TMC2: variants seen among roughly 807,000 people sequenced by gnomAD.
TMC2 encodes the protein transmembrane channel like 2.
TMC2 carries 102 observed loss-of-function variants against 105.9 expected under a neutral mutation model. The ratio of observed to expected loss-of-function variants is 0.96; its 90% confidence interval spans 0.82 to 1.14. The LOEUF is 1.14. Among genes scored for constraint, TMC2 ranks in the 50% most tolerant of loss-of-function variants. The probability of loss-of-function intolerance (pLI) is 0.00; values close to 1 mark genes in which losing one functional copy is unlikely to be tolerated. For missense variants in TMC2, 1,093 were observed against 1,134.3 expected (o/e 0.96, Z 0.52); for synonymous variants, 402 against 422.8 (o/e 0.95, Z 0.60).
intron 2 of TMC2, among the ~76,000 whole-genome samples, chr20:2,551,353 G>A (rs965294598): frequency 7.8e-5 from 11 of 141,846 alleles, no homozygotes; most frequent in South Asian, 4.5e-4. Flanking sequence ...TTGGATACAC[G>A]TCCTTTGTCA....
intron 5 of TMC2, 136 bp downstream of exon 5, chr20:2,572,405 A>C: frequency 1.5e-6 from 1 of 664,008 alleles, no homozygotes; most frequent in Non-Finnish European, 2.7e-6. Context: ...GGGCCACCTG[A>C]CCATTCTGAT....
rs761884185 is a variant in TMC2 at position 2,617,239 on chromosome 20, T to C, written c.2108T>C (p.Leu703Pro). ...NFYMGLLLLV[L>P]FLSLLPVAYT... ...TACATGGGCCTCCTGCTGCTGGTGC[T>C]CTTCCTCAGCCTCCTGCCGGTGGCC... The change falls in exon 16 of 20, where the codon CTC becomes CCC. Residue 703 changes from leucine (L) to proline (P), a missense_variant. Leu to Pro is a moderately conservative substitution (Grantham distance 98). Transcript: ENST00000358864. 2 of 1,614,194 alleles carry C rather than the reference T, an allele frequency of 1.2e-6. No individual in the cohort carries two copies. The highest frequency in any genetic ancestry group is 1.7e-6 in the Non-Finnish European group (2 of 1,180,016).
chr20:2,540,408 C>A (rs2122789911), intron 2 of TMC2, among the ~76,000 whole-genome samples: 1 of 152,036 alleles, frequency 6.6e-6, no homozygotes, highest in African/African-American at 2.4e-5. Context: ...TGACTGTAAT[C>A]CCAGCACTTT....
intron 19 of TMC2, among the ~76,000 whole-genome samples, chr20:2,640,450 C>T (rs1352469811): frequency 6.6e-6 from 1 of 152,188 alleles, no homozygotes; most frequent in Non-Finnish European, 1.5e-5. Flanking sequence ...AAGTTCATTT[C>T]TCACTCAACA....
At chr20:2,546,718 T>G (rs143267570) in intron 2 of TMC2, among the ~76,000 whole-genome samples, 24 of 152,320 alleles carry the variant, frequency 1.6e-4, no homozygotes, top group African/African-American at 5.8e-4. Context: ...AATAGTTCTT[T>G]GTTGAAGACA....
At chr20:2,593,718 G>T (rs1178913540) in intron 8 of TMC2, among the ~76,000 whole-genome samples, 1 of 152,146 alleles carries the variant, frequency 6.6e-6, no homozygotes, top group East Asian at 1.9e-4. Flanking sequence ...TCCCTGCCTT[G>T]GCTTGGCTCC....
chr20:2,539,339 A>G (rs2122787799), intron 2 of TMC2, among the ~76,000 whole-genome samples: 1 of 152,362 alleles, frequency 6.6e-6, no homozygotes, highest in East Asian at 1.9e-4. Context: ...TCCACATTCC[A>G]TGTGAATTTC....
rs1199489585 is a variant in TMC2, at chr20:2,637,492, A to G, written c.2404A>G (p.Ser802Gly). 1.9e-6 allele frequency: 3 copies of G among 1,613,568 alleles called. No homozygotes were observed. The African/African-American group carries it at 4.0e-5, about 22-fold the overall frequency. ...KIQVLREVEK[S>G]HKSVKGKATA... The stretch of plus-strand genomic sequence containing the variant: ...CCTGCAGCTCCGTGAAGTTGAGAAG[A>G]GTCACAAATCTGTAAAAGGCAAAGC... Residue 802 changes from serine to glycine, a missense_variant, in exon 19 of 20, where the codon AGT becomes GGT. By Grantham distance (56) the Ser-to-Gly change is moderately conservative (BLOSUM62 0). Coordinates refer to ENST00000358864, the MANE Select transcript of TMC2 (RefSeq NM_080751.3).
intron 17 of TMC2, among the ~76,000 whole-genome samples, chr20:2,634,080 G>A (rs1410532993): frequency 2.0e-5 from 3 of 152,088 alleles, no homozygotes. Context: ...GTTTGTCTCT[G>A]TCTGTTTATG....
At chr20:2,639,143 C>T (rs2086670523) in intron 19 of TMC2, among the ~76,000 whole-genome samples, 1 of 152,220 alleles carries the variant, frequency 6.6e-6, no homozygotes, top group Admixed American at 6.5e-5. Flanking sequence ...GATCCGCCCG[C>T]CTCGGCCTCC....
At chr20:2,598,197 G>T (rs200474017) in intron 10 of TMC2, among the ~76,000 whole-genome samples, 1 of 132,404 alleles carries the variant, frequency 7.6e-6, no homozygotes, top group African/African-American at 2.9e-5. Flanking sequence ...CTAGTGAAAT[G>T]AAAAAAAAAA....
chr20:2,575,440 T>C (rs1220564012), intron 5 of TMC2, among the ~76,000 whole-genome samples: 1 of 152,250 alleles, frequency 6.6e-6, no homozygotes, highest in Non-Finnish European at 1.5e-5. Flanking sequence ...TTATGAATGT[T>C]ACCGTCTTTT....
Position 2,536,733 on chromosome 20 carries a change from G to C in TMC2, c.34+78G>C, listed in dbSNP as rs1007083476. ...AGCAGGGGATGGGGGAAGCACATAT[G>C]GTGTTCAGAGGCATAGGGAGGAGCT... On this transcript the variant is annotated intron_variant, in intron 1 of 19. Transcript: ENST00000358864. The C allele has an allele frequency of 5.5e-6, 8 of 1,461,024 alleles. No homozygotes were observed. In the Admixed American group the frequency reaches 1.2e-4, roughly 22 times the overall value. 90.5% of individuals were successfully genotyped at this position (1,461,024 alleles called of 1,614,324 possible). A position where few individuals can be genotyped will look rare whatever the true frequency, so the allele number is the denominator to read the frequency against.
chr20:2,597,461 G>A (rs1366497479), intron 10 of TMC2, among the ~76,000 whole-genome samples, 163 bp downstream of exon 10: 1 of 152,046 alleles, frequency 6.6e-6, no homozygotes, highest in Non-Finnish European at 1.5e-5. Flanking sequence ...AAGTAAGAAT[G>A]TTCGTGGCTG....
intron 14 of TMC2, among the ~76,000 whole-genome samples, chr20:2,614,498 A>G (rs2086465991): frequency 6.6e-6 from 1 of 152,082 alleles, no homozygotes; most frequent in Non-Finnish European, 1.5e-5. Flanking sequence ...CCAGCTACTC[A>G]GGAGGCTAAG....
chr20:2,607,632 C>A (rs1324927698), intron 11 of TMC2, among the ~76,000 whole-genome samples: 2 of 152,206 alleles, frequency 1.3e-5, no homozygotes, highest in African/African-American at 2.4e-5. Context: ...TCATTGGATA[C>A]CCCACTGTTT....
intron 14 of TMC2, chr20:2,614,049 C>T (rs1216774269): frequency 2.0e-5 from 1 of 49,316 alleles, no homozygotes; most frequent in Non-Finnish European, 3.2e-5. Context: ...GTTTCTGTCA[C>T]ATTTTTTTTC....
intron 7 of TMC2, among the ~76,000 whole-genome samples, chr20:2,590,295 T>C (rs1321882086): frequency 6.6e-6 from 1 of 152,166 alleles, no homozygotes; most frequent in Non-Finnish European, 1.5e-5. Context: ...CATCTTAGGA[T>C]GCAAGAGGGA....
At position 2,641,261 on chromosome 20, in the gene TMC2, T is replaced by C. The variant is rs369688926; in HGVS notation, c.2631T>C (p.Pro877=). ...ASGHLPISRP[P]GIGPDSGHAP... ...GACACCTTCCTATATCTCGGCCCCC[T>C]GGAATCGGACCAGATTCTGGCCACG... The change falls in exon 20 of 20, where the codon CCT becomes CCC. Residue 877 remains proline (P), a synonymous_variant. Coordinates refer to ENST00000358864, the MANE Select transcript of TMC2 (RefSeq NM_080751.3). The C allele has an allele frequency of 5.6e-6, 9 of 1,614,142 alleles. No individual in the cohort carries two copies. The highest frequency in any genetic ancestry group is 1.1e-5 in the South Asian group (1 of 91,086).
Sources: allele counts gnomAD v4.1 joint callset (sites outside exome capture counted in the v4.1 genomes callset), GRCh38; gene constraint gnomAD v4.1.1; transcripts MANE v1.5; gene names NCBI Gene and HGNC (gene_info 2026-07-23, HGNC 2026-07-21).